HPSE2: variants seen among roughly 807,000 people sequenced by gnomAD.
HPSE2 encodes inactive heparanase-2.
Under a neutral mutation model 60.5 loss-of-function variants are expected in HPSE2, and 38 were observed. The ratio of observed to expected loss-of-function variants is 0.63; its 90% CI spans 0.48 to 0.82. The LOEUF (loss-of-function observed/expected upper bound fraction) is 0.82, where lower values mean the gene tolerates loss of function less well. HPSE2 is among the 40% of genes least tolerant of loss of function. The pLI is 0.00. For missense variants in HPSE2, 713 were observed against 740.4 expected, an observed-to-expected ratio of 0.96 and a Z score of 0.43; for synonymous variants, 295 against 293.2, an observed-to-expected ratio of 1.01 and a Z score of -0.06.
chr10:99,072,304 T>C (rs1842817374), intron 3 of HPSE2, among the ~76,000 whole-genome samples: 1 of 151,272 alleles, frequency 6.6e-6, no homozygotes, highest in African/African-American at 2.4e-5. Context: ...ACAAATCGGA[T>C]CTAATTAAAC....
At chr10:98,842,533 A>C (rs1464982255) in intron 3 of HPSE2, among the ~76,000 whole-genome samples, 1 of 143,724 alleles carries the variant, frequency 7.0e-6, no homozygotes, top group Admixed American at 7.0e-5. Flanking sequence ...TTTGTTTTTA[A>C]GTGTCTTTAA....
chr10:98,529,424 C>T (rs1943067598), intron 9 of HPSE2, among the ~76,000 whole-genome samples: 1 of 152,088 alleles, frequency 6.6e-6, no homozygotes. Context: ...TAAAAATATA[C>T]AAAGACATAC....
chr10:99,253,232 T>A, the HPSE2 span, among the ~76,000 whole-genome samples: 1 of 152,116 alleles, frequency 6.6e-6, no homozygotes, highest in Non-Finnish European at 1.5e-5. Flanking sequence ...CTTCAAACCA[T>A]ACTAATAAGG....
chr10:98,704,528 A>T (rs1948495625), intron 5 of HPSE2, among the ~76,000 whole-genome samples: 1 of 152,344 alleles, frequency 6.6e-6, no homozygotes, highest in South Asian at 2.1e-4. Flanking sequence ...AGGCTACAGT[A>T]TTTAAAACAG....
intron 3 of HPSE2, among the ~76,000 whole-genome samples, chr10:98,894,639 G>T (rs1953432144): frequency 6.6e-6 from 1 of 151,808 alleles, no homozygotes; most frequent in Admixed American, 6.6e-5. Context: ...AAGACAATGA[G>T]GTTAGACTGA....
At chr10:98,604,306 T>TA (rs67248335) in intron 9 of HPSE2, among the ~76,000 whole-genome samples, 4,143 of 144,722 alleles carry the variant, frequency 0.029, 199 homozygotes, top group African/African-American at 0.096. Flanking sequence ...AAGAAAGAAC[T>TA]AAAAAAAAAA....
chr10:98,983,258 G>A (rs1564710309), intron 3 of HPSE2, among the ~76,000 whole-genome samples: 2 of 152,086 alleles, frequency 1.3e-5, no homozygotes, highest in Non-Finnish European at 2.9e-5. Context: ...AGAATCAGTG[G>A]GAGCCCCGAG....
chr10:99,118,935 G>A (rs1009066628), intron 3 of HPSE2, among the ~76,000 whole-genome samples: 7 of 151,834 alleles, frequency 4.6e-5, no homozygotes, highest in African/African-American at 1.7e-4. Flanking sequence ...AGACTCACTG[G>A]AACCTGGGAG....
chr10:99,103,028 A>C (rs1209028279), intron 3 of HPSE2, among the ~76,000 whole-genome samples: 1 of 152,214 alleles, frequency 6.6e-6, no homozygotes, highest in East Asian at 1.9e-4. Flanking sequence ...CCAATATCAT[A>C]CTGAATGGGC....
intron 4 of HPSE2, among the ~76,000 whole-genome samples, chr10:98,733,675 A>G (rs923028244): frequency 1.3e-5 from 2 of 152,156 alleles, no homozygotes; most frequent in Non-Finnish European, 2.9e-5. Context: ...AGAAGAGTCT[A>G]TTTGGAAGTG....
chr10:99,205,465 C>T (rs568824184), intron 2 of HPSE2, among the ~76,000 whole-genome samples: 1 of 152,158 alleles, frequency 6.6e-6, no homozygotes, highest in Non-Finnish European at 1.5e-5. Context: ...GCCTGTAATC[C>T]CAGCCACTCG....
chr10:98,920,361 G>A (rs923664867), intron 3 of HPSE2, among the ~76,000 whole-genome samples: 2 of 152,016 alleles, frequency 1.3e-5, no homozygotes, highest in Admixed American at 1.3e-4. Flanking sequence ...GCCTACTCCT[G>A]CTCTCTTCCC....
chr10:98,462,261 C>T (rs1940325926), intron 11 of HPSE2, among the ~76,000 whole-genome samples: 1 of 152,176 alleles, frequency 6.6e-6, no homozygotes, highest in Non-Finnish European at 1.5e-5. Context: ...TCACTGCAAC[C>T]TCTGCCTCCT....
chr10:99,072,698 G>A (rs558741146), intron 3 of HPSE2, among the ~76,000 whole-genome samples: 12 of 152,096 alleles, frequency 7.9e-5, no homozygotes, highest in Non-Finnish European at 1.3e-4. Context: ...GGCCAAGGCG[G>A]GTGGATAACA....
intron 3 of HPSE2, among the ~76,000 whole-genome samples, chr10:98,788,998 T>C (rs953058571): frequency 6.6e-6 from 1 of 152,064 alleles, no homozygotes; most frequent in Non-Finnish European, 1.5e-5. Flanking sequence ...CCTTCTCACT[T>C]TTTTTTTCTT....
At chr10:99,244,130 G>A in the HPSE2 span, among the ~76,000 whole-genome samples, 1 of 150,426 alleles carries the variant, frequency 6.6e-6, no homozygotes. Context: ...TCATTTTCCT[G>A]CCTCAGCCTC....
intron 9 of HPSE2, among the ~76,000 whole-genome samples, chr10:98,517,199 T>TGGGGGGTA (rs1942630278): frequency 5.3e-5 from 6 of 113,684 alleles, no homozygotes; most frequent in Non-Finnish European, 9.3e-5. Context: ...GGGTGTGGGG[T>TGGGGGGTA]GGGGGGGGCG....
chr10:98,950,537 G>C (rs1055301905), intron 3 of HPSE2, among the ~76,000 whole-genome samples: 1 of 152,084 alleles, frequency 6.6e-6, no homozygotes, highest in South Asian at 2.1e-4. Flanking sequence ...ATCAATTATA[G>C]TTTTCCTGCT....
At chr10:98,697,151 G>A (rs1450649248) in intron 5 of HPSE2, among the ~76,000 whole-genome samples, 2 of 152,168 alleles carry the variant, frequency 1.3e-5, no homozygotes, top group Non-Finnish European at 1.5e-5. Flanking sequence ...CAGAGGATGC[G>A]ATGGATGAAT....
Sources: allele counts gnomAD v4.1 joint callset (sites outside exome capture counted in the v4.1 genomes callset), GRCh38; gene constraint gnomAD v4.1.1; transcripts MANE v1.5; gene names NCBI Gene and HGNC (gene_info 2026-07-23, HGNC 2026-07-21).